Variants in EXD1 observed in about 807,000 individuals in gnomAD.
EXD1 encodes piRNA biogenesis protein EXD1.
In EXD1, 63 loss-of-function variants were observed where a neutral mutation model predicts 49.1. That is an observed-to-expected ratio of 1.28 (90% CI 1.05 to 1.58). The LOEUF (loss-of-function observed/expected upper bound fraction) is 1.58. Among genes scored for constraint, EXD1 ranks in the 40% most tolerant of loss-of-function variants. The probability of loss-of-function intolerance (pLI) is 0.00; values close to 1 mark genes in which losing one functional copy is unlikely to be tolerated. For missense variants in EXD1, 748 were observed against 666.0 expected, an observed-to-expected ratio of 1.12 and a Z score of -1.36; for synonymous variants, 234 against 239.2, an observed-to-expected ratio of 0.98 and a Z score of 0.20.
intron 7 of EXD1, among the ~76,000 whole-genome samples, chr15:41,199,734 T>TATAATATATA: frequency 1.5e-5 from 1 of 65,238 alleles, no homozygotes; most frequent in Non-Finnish European, 3.0e-5. Context: ...ATATATGATA[T>TATAATATATA]ATATGTCATA....
In EXD1 at chr15:41,184,564, C is replaced by G; in HGVS notation, c.1086G>C (p.Leu362=). Residue 362 remains leucine (L), a synonymous_variant, in exon 12 of 12, where the codon CTG becomes CTC. Coordinates refer to ENST00000458580, the MANE Select transcript of EXD1 (RefSeq NM_001286441.2). ...GCTTCTGGAAGTCCTTGAGTTGAAG[C>G]AGTTCCTCTGGCAGCTCCATACATG... ...EPTCMELPEE[L]LQLKDFQKQR... is the part of the protein sequence containing the mutation. The G allele has an allele frequency of 4.4e-6, 7 of 1,602,486 alleles. No homozygotes were observed. Among genetic ancestry groups the G allele is most frequent in the Non-Finnish European group, 5.9e-6 (7 of 1,176,642 alleles).
At chr15:41,210,479 C>T (rs754768716) in intron 6 of EXD1, among the ~76,000 whole-genome samples, 10 of 152,076 alleles carry the variant, frequency 6.6e-5, no homozygotes, top group South Asian at 4.1e-4. Context: ...ATCGTTTGAG[C>T]CCAAGGGTTT....
intron 7 of EXD1, among the ~76,000 whole-genome samples, chr15:41,196,312 A>ATTTTT (rs572843554): frequency 1.0e-4 from 11 of 108,110 alleles, no homozygotes; most frequent in African/African-American, 4.0e-4. Context: ...CGCCCAGCTA[A>ATTTTT]TTTTTTTTTT....
At chr15:41,211,892 A>G (rs1236552473) in intron 6 of EXD1, among the ~76,000 whole-genome samples, 1 of 151,800 alleles carries the variant, frequency 6.6e-6, no homozygotes, top group Non-Finnish European at 1.5e-5. Context: ...AGATCCTAGG[A>G]GGTGGAGGTT....
intron 7 of EXD1, among the ~76,000 whole-genome samples, chr15:41,200,354 C>T (rs2046708963): frequency 6.6e-6 from 1 of 152,024 alleles, no homozygotes; most frequent in Non-Finnish European, 1.5e-5. Context: ...AAAATCCTAT[C>T]TCTACTAAAA....
chr15:41,220,459 C>T (rs1043106642), intron 2 of EXD1, among the ~76,000 whole-genome samples: 3 of 152,066 alleles, frequency 2.0e-5, no homozygotes, highest in African/African-American at 7.2e-5. Context: ...GGGGTTTCAC[C>T]GTGTTAGCCA....
In EXD1 at chr15:41,209,569, G is replaced by C; in HGVS notation, c.466C>G (p.Gln156Glu). 6.2e-7 allele frequency: 1 copy of C among 1,614,106 alleles called. No homozygotes were observed. Among genetic ancestry groups the C allele is most frequent in the Non-Finnish European group, 8.5e-7 (1 of 1,180,002 alleles). ...TCTGCTGCCACACTCAGGACATTCTGCTTCTTGATATGGAGTATCTGGTAA... is the reference window on the plus strand; with the variant it reads ...TCTGCTGCCACACTCAGGACATTCTCCTTCTTGATATGGAGTATCTGGTAA... ...FGAAILHIKK[Q>E]NVLSVAAEGA... The change falls in exon 7 of 12, where the codon CAG (glutamine) becomes GAG (glutamate). Residue 156 changes from glutamine (Q) to glutamate (E), a missense_variant. By Grantham distance (29) the Gln-to-Glu change is conservative (BLOSUM62 2). Transcript: ENST00000458580.
intron 9 of EXD1, 112 bp downstream of exon 9, chr15:41,195,663 C>CAAAA: frequency 5.1e-5 from 28 of 550,878 alleles, no homozygotes; most frequent in Non-Finnish European, 6.3e-5. Flanking sequence ...AATGGAGCAC[C>CAAAA]AAAAAAAAAA....
chr15:41,202,987 T>C (rs948318228), intron 7 of EXD1, among the ~76,000 whole-genome samples: 1 of 151,538 alleles, frequency 6.6e-6, no homozygotes, highest in Non-Finnish European at 1.5e-5. Flanking sequence ...ATTGAGTAGA[T>C]GCAGTATAAA....
At chr15:41,199,696 AT>A (rs371870604) in intron 7 of EXD1, among the ~76,000 whole-genome samples, 32 of 56,570 alleles carry the variant, frequency 5.7e-4, no homozygotes, top group Admixed American at 2.3e-3. Context: ...TATGAGATAT[AT>A]TACATATATC....
Position 41,230,673 on chromosome 15 carries a change from G to T in EXD1, c.-248C>A. On this transcript the variant is annotated 5_prime_UTR_variant, in exon 1 of 12. Coordinates refer to ENST00000458580, the MANE Select transcript of EXD1 (RefSeq NM_001286441.2). ...CCCGGCGGCGGTTATCAAATCACAG[G>T]CTGAAAACCTGGAGAAAGGTCCGCG... The T allele has an allele frequency of 2.0e-6, 2 of 1,017,702 alleles. No individual in the cohort carries two copies. The highest frequency in any genetic ancestry group is 1.4e-6 in the Non-Finnish European group (1 of 694,856). The allele number at this position is 1,017,702 out of a possible 1,614,324, so 63.0% of individuals were successfully genotyped here.
Position 41,192,594 on chromosome 15 carries a change from A to ATTTTTTTTTTTTTTTTTT in EXD1, c.721-1027_721-1010dup, listed in dbSNP as rs59054803. Among the ~76,000 whole-genome samples the ATTTTTTTTTTTTTTTTTT allele has an allele frequency of 7.8e-4, 32 of 40,838 alleles. 12 individuals carry two copies. The highest frequency in any genetic ancestry group is 1.3e-3 in the Non-Finnish European group (24 of 18,058). The allele number at this position is 40,838 out of a possible 152,430, so 26.8% of individuals were successfully genotyped here. A position where few individuals can be genotyped will look rare whatever the true frequency, so the allele number is the denominator to read the frequency against. Reference sequence around the variant, plus strand: ...ACAGGCGTGAACCACTGCGCCAGGCATTTTTTTTTTTTTTTTTTTTTTTTT... The same window carrying ATTTTTTTTTTTTTTTTTT: ...ACAGGCGTGAACCACTGCGCCAGGCATTTTTTTTTTTTTTTTTTTTTTTTTTTTTTTTTTTTTTTTTTT... On this transcript the variant is annotated intron_variant, in intron 9 of 11. Transcript: ENST00000458580.
chr15:41,202,162 A>G (rs1044549574), intron 7 of EXD1, among the ~76,000 whole-genome samples: 1 of 147,342 alleles, frequency 6.8e-6, no homozygotes, highest in Non-Finnish European at 1.5e-5. Flanking sequence ...ATATATATAT[A>G]TATATTTTTT....
chr15:41,190,040 C>G lies in EXD1; in HGVS notation c.953G>C (p.Arg318Pro), dbSNP rs755887471. The change falls in exon 11 of 12, where the codon CGC (arginine) becomes CCC (proline). Residue 318 changes from arginine (R) to proline (P), a missense_variant. By Grantham distance (103) the Arg-to-Pro change is moderately radical. Coordinates refer to ENST00000458580, the MANE Select transcript of EXD1 (RefSeq NM_001286441.2). ...ALEATYLLPL[R>P]LALLDEMMSD... Reference sequence around the variant, plus strand: ...CATCATCTCATCTAGGAGTGCCAAGCGAAGGGGTAACAGGTAGGTAGCTTC... The same window carrying G: ...CATCATCTCATCTAGGAGTGCCAAGGGAAGGGGTAACAGGTAGGTAGCTTC... 1 of 1,613,982 alleles carries G rather than the reference C, an allele frequency of 6.2e-7. No individual in the cohort carries two copies. Among genetic ancestry groups the G allele is most frequent in the Non-Finnish European group, 8.5e-7 (1 of 1,179,994 alleles).
chr15:41,191,718 A>T, intron 9 of EXD1, 133 bp from the exon 10 acceptor site: 1 of 828,252 alleles, frequency 1.2e-6, no homozygotes. Context: ...TGTCATCGGA[A>T]AATTTAAAGT....
intron 6 of EXD1, among the ~76,000 whole-genome samples, chr15:41,213,957 C>G (rs1374443643): frequency 1.3e-5 from 2 of 152,038 alleles, no homozygotes; most frequent in Non-Finnish European, 2.9e-5. Flanking sequence ...TAAAAAACAA[C>G]CTGTTGTTGA....
chr15:41,191,693 C>A, intron 9 of EXD1, 108 bp from the exon 10 acceptor site: 1 of 1,065,178 alleles, frequency 9.4e-7, no homozygotes, highest in Admixed American at 2.5e-5. Context: ...CCCCAAGGAC[C>A]CACACGATAG....
chr15:41,208,727 G>A (rs543696234), intron 7 of EXD1, among the ~76,000 whole-genome samples: 1 of 152,156 alleles, frequency 6.6e-6, no homozygotes, highest in East Asian at 1.9e-4. Flanking sequence ...CCCCAGCCTG[G>A]TGACAGAGCA....
intron 10 of EXD1, 115 bp downstream of exon 10, chr15:41,191,327 G>T: frequency 1.1e-6 from 1 of 916,654 alleles, no homozygotes; most frequent in Non-Finnish European, 1.6e-6. Context: ...TAAGATTTTG[G>T]CAATGTTCAT....
Sources: allele counts gnomAD v4.1 joint callset (sites outside exome capture counted in the v4.1 genomes callset), GRCh38; gene constraint gnomAD v4.1.1; transcripts MANE v1.5; gene names NCBI Gene and HGNC (gene_info 2026-07-23, HGNC 2026-07-21).